Variants in RARRES1 observed in about 807,000 individuals in gnomAD.
RARRES1 encodes retinoic acid receptor responder 1, also known as retinoic acid receptor responder protein 1.
A neutral mutation model predicts 30.6 loss-of-function variants in RARRES1; 34 were observed. That is an observed-to-expected ratio of 1.11 (90% CI 0.84 to 1.48). The LOEUF (loss-of-function observed/expected upper bound fraction) is 1.48. Ranked by LOEUF, RARRES1 falls within the 40% of genes most tolerant of loss-of-function variation. RARRES1 has a pLI of 0.00. For synonymous variants in RARRES1, 153 were observed against 155.5 expected (o/e 0.98, Z 0.12); for missense variants, 373 against 386.5 (o/e 0.97, Z 0.29).
intron 1 of RARRES1, among the ~76,000 whole-genome samples, chr3:158,729,487 G>A (rs1353739103): frequency 6.6e-6 from 1 of 152,050 alleles, no homozygotes; most frequent in Non-Finnish European, 1.5e-5. Flanking sequence ...GTCTCGCTCT[G>A]TTGCCCAGGC....
Position 158,723,132 on chromosome 3 carries a change from G to T in RARRES1, c.276+9008C>A, listed in dbSNP as rs1421335260. On this transcript the variant is annotated intron_variant, in intron 1 of 5. Coordinates refer to ENST00000237696, the MANE Select transcript of RARRES1 (RefSeq NM_206963.2). The surrounding 1 kb of genome is among the most constrained non-coding windows in gnomAD (Gnocchi z 4.4). ...CCTTCCTGTTGTGTTAGTGCCGGTTGTGACAACGTTAATTTCCTGTTCTCA... is the reference window on the plus strand; with the variant it reads ...CCTTCCTGTTGTGTTAGTGCCGGTTTTGACAACGTTAATTTCCTGTTCTCA... Among the ~76,000 whole-genome samples, 1 of 152,136 alleles carries T rather than the reference G, an allele frequency of 6.6e-6. No individual in the cohort carries two copies. The highest frequency in any genetic ancestry group is 1.5e-5 in the Non-Finnish European group (1 of 68,036).
At position 158,728,516 on chromosome 3, in the gene RARRES1, C is replaced by CTTTTTTTTTT. The variant is rs755791546; in HGVS notation, c.276+3614_276+3623dup. Among the ~76,000 whole-genome samples the CTTTTTTTTTT allele has an allele frequency of 6.6e-4, 88 of 133,828 alleles. 2 individuals are homozygous for CTTTTTTTTTT. The highest frequency in any genetic ancestry group is 3.5e-3 in the Middle Eastern group (1 of 286). The allele number at this position is 133,828 out of a possible 152,430, so 87.8% of individuals were successfully genotyped here. A position where few individuals can be genotyped will look rare whatever the true frequency, so the allele number is the denominator to read the frequency against. ...GATCAATCGTGGTTTCTTTTTCTTT[C>CTTTTTTTTTT]TTTTTTTTTTTTTTTTTTGGTTTTT... is the stretch of plus-strand genomic sequence containing the variant. On this transcript the variant is annotated intron_variant, in intron 1 of 5. Coordinates refer to ENST00000237696, the MANE Select transcript of RARRES1 (RefSeq NM_206963.2).
intron 2 of RARRES1, among the ~76,000 whole-genome samples, chr3:158,713,140 C>G (rs779910113): frequency 2.9e-4 from 44 of 152,128 alleles, no homozygotes; most frequent in Non-Finnish European, 2.1e-4. Flanking sequence ...CTTCTCAGCA[C>G]AAGACAAAGA....
chr3:158,702,124 G>A (rs1370029390), intron 4 of RARRES1, among the ~76,000 whole-genome samples: 5 of 152,038 alleles, frequency 3.3e-5, no homozygotes, highest in African/African-American at 7.3e-5. Flanking sequence ...TGCAACCTCC[G>A]CCTCCCGGGT....
At chr3:158,699,493 C>T (rs1726656798) in intron 4 of RARRES1, among the ~76,000 whole-genome samples, 1 of 147,818 alleles carries the variant, frequency 6.8e-6, no homozygotes, top group Non-Finnish European at 1.5e-5. Flanking sequence ...GAGATTTTTA[C>T]CAGCCGTGAA....
chr3:158,716,841 C>T (rs547721253), intron 1 of RARRES1, among the ~76,000 whole-genome samples: 21 of 152,308 alleles, frequency 1.4e-4, no homozygotes, highest in Non-Finnish European at 2.5e-4. Context: ...GCCTCGGCCT[C>T]CCAAAGTGCT....
chr3:158,730,037 G>A (rs1049292583), intron 1 of RARRES1, among the ~76,000 whole-genome samples: 2 of 151,980 alleles, frequency 1.3e-5, no homozygotes, highest in Non-Finnish European at 2.9e-5. Flanking sequence ...CAGGTGACAA[G>A]ATGGCCCGGC....
rs1726590027 is a variant in RARRES1, at chr3:158,697,661, A to G, written c.*17T>C. On this transcript the variant is annotated 3_prime_UTR_variant, in exon 6 of 6. Transcript: ENST00000237696. Reference sequence around the variant, plus strand: ...TAGTCACTTGTTTAGAAGTCGGAAAAAGATCATTTTTTCTTTTTAGAAATT... The same window carrying G: ...TAGTCACTTGTTTAGAAGTCGGAAAGAGATCATTTTTTCTTTTTAGAAATT... 1 of 1,596,404 alleles carries G rather than the reference A, an allele frequency of 6.3e-7. No homozygotes were observed. The highest frequency in any genetic ancestry group is 1.3e-5 in the African/African-American group (1 of 74,162).
chr3:158,704,927 T>A lies in RARRES1; in HGVS notation c.536A>T (p.Asp179Val). ...KNPLEIVSIPDNHGHIDPSLR... is the reference protein window; with the variant it reads ...KNPLEIVSIPVNHGHIDPSLR... ...AGAGGGATCAATATGTCCATGATTA[T>A]CTGAGAGAGACAAAAAAAGCACATT... Residue 179 changes from aspartate to valine, a missense_variant and splice_region_variant, in exon 4 of 6, where the codon GAT (aspartate) becomes GTT (valine). Asp to Val is a radical substitution (Grantham distance 152). Coordinates refer to ENST00000237696, the MANE Select transcript of RARRES1 (RefSeq NM_206963.2). 1 of 1,599,776 alleles carries A rather than the reference T, an allele frequency of 6.3e-7. No homozygotes were observed. The highest frequency in any genetic ancestry group is 8.5e-7 in the Non-Finnish European group (1 of 1,176,298).
At position 158,697,908 on chromosome 3, in the gene RARRES1, C is replaced by T. The variant is rs1726598432; in HGVS notation, c.735G>A (p.Gln245=). Reference sequence around the variant, plus strand: ...TTCTACATACAATGTTATGTTTTACCTGTGTTGATAATTCATGAAGTAGAA... The same window carrying T: ...TTCTACATACAATGTTATGTTTTACTTGTGTTGATAATTCATGAAGTAGAA... ...YTVLLHELST[Q]EIIPCRIHLV... Residue 245 remains glutamine (Q), a splice_region_variant and synonymous_variant, in exon 5 of 6, where the codon CAG becomes CAA. Transcript: ENST00000237696. The T allele has an allele frequency of 6.4e-7, 1 of 1,557,936 alleles. No individual in the cohort carries two copies. The highest frequency in any genetic ancestry group is 1.4e-5 in the African/African-American group (1 of 73,480).
chr3:158,722,086 C>CAAAAAAAAAAAAAAAAAA (rs571829700), intron 1 of RARRES1, among the ~76,000 whole-genome samples: 9 of 68,738 alleles, frequency 1.3e-4, no homozygotes, highest in African/African-American at 2.0e-4. Flanking sequence ...GAATGAAACT[C>CAAAAAAAAAAAAAAAAAA]AAAAAAAAAA....
intron 4 of RARRES1, among the ~76,000 whole-genome samples, chr3:158,699,164 T>C (rs1272832582): frequency 1.3e-5 from 2 of 152,158 alleles, no homozygotes; most frequent in Non-Finnish European, 2.9e-5. Context: ...AGAAGTCACA[T>C]AGACCGTGCA....
chr3:158,726,365 C>G (rs922628467), intron 1 of RARRES1, among the ~76,000 whole-genome samples: 1 of 152,212 alleles, frequency 6.6e-6, no homozygotes, highest in Non-Finnish European at 1.5e-5. Context: ...AGTAAGTGCT[C>G]TCCTAACTGC....
chr3:158,713,402 A>C (rs950248375), intron 2 of RARRES1, among the ~76,000 whole-genome samples: 32 of 152,130 alleles, frequency 2.1e-4, no homozygotes, highest in African/African-American at 6.5e-4. Context: ...GGTTGGTCTC[A>C]CGCTGTGCTG....
At chr3:158,710,707 G>C in intron 3 of RARRES1, 31 bp downstream of exon 3, 1 of 1,541,624 alleles carries the variant, frequency 6.5e-7, no homozygotes, top group East Asian at 2.2e-5. Flanking sequence ...ATACATTCCT[G>C]AATATAGAAA....
In RARRES1 at chr3:158,697,168, C is replaced by T. The variant is rs1025960987; in HGVS notation, c.*510G>A. The T allele has an allele frequency of 6.6e-6, 1 of 152,014 alleles. No individual in the cohort carries two copies. Among genetic ancestry groups the T allele is most frequent in the Non-Finnish European group, 1.5e-5 (1 of 68,026 alleles). The allele number at this position is 152,014 out of a possible 1,614,324, so 9.4% of individuals were successfully genotyped here. A position where few individuals can be genotyped will look rare whatever the true frequency, so the allele number is the denominator to read the frequency against. ...TAGCAAGTTAAAAATGAATACTTGCCTGAAATCATAAAACATAATCAAGTT... is the reference window on the plus strand; with the variant it reads ...TAGCAAGTTAAAAATGAATACTTGCTTGAAATCATAAAACATAATCAAGTT... On this transcript the variant is annotated 3_prime_UTR_variant, in exon 6 of 6. Coordinates refer to ENST00000237696, the MANE Select transcript of RARRES1 (RefSeq NM_206963.2).
At chr3:158,704,583 A>G (rs1007001427) in intron 4 of RARRES1, 2 of 620,850 alleles carry the variant, frequency 3.2e-6, no homozygotes, top group East Asian at 6.4e-5. Context: ...ATTAATCTCA[A>G]TGAGGGCAGC....
chr3:158,724,574 C>T (rs1319330863), intron 1 of RARRES1, among the ~76,000 whole-genome samples: 1 of 152,152 alleles, frequency 6.6e-6, no homozygotes, highest in East Asian at 1.9e-4. Context: ...CCAGAAGGAA[C>T]AAAGCCCTGC....
chr3:158,697,943 C>T lies in RARRES1; in HGVS notation c.700G>A (p.Asp234Asn). ...WKTNDDTIDF[D>N]YTVLLHELST... ...AATTCATGAAGTAGAACAGTATAATCAAAATCAATTGTATCATCATTAGTT... is the reference window on the plus strand; with the variant it reads ...AATTCATGAAGTAGAACAGTATAATTAAAATCAATTGTATCATCATTAGTT... Residue 234 changes from aspartate (D) to asparagine (N), a missense_variant, in exon 5 of 6, where the codon GAT (aspartate) becomes AAT (asparagine). Asp to Asn is a conservative substitution (Grantham distance 23). Coordinates refer to ENST00000237696, the MANE Select transcript of RARRES1 (RefSeq NM_206963.2). 1 of 1,538,042 alleles carries T rather than the reference C, an allele frequency of 6.5e-7. No homozygotes were observed. Among genetic ancestry groups the T allele is most frequent in the Non-Finnish European group, 9.0e-7 (1 of 1,113,540 alleles).
Sources: gnomAD v4.1 joint callset for allele counts (sites outside exome capture counted in the v4.1 genomes callset) on GRCh38, gnomAD v4.1.1 for gene constraint, Gnocchi (gnomAD v3.1) non-coding constraint, MANE v1.5 for transcripts, NCBI Gene and HGNC (gene_info 2026-07-23, HGNC 2026-07-21) for gene names.